The following SLC39A11 variants were observed in gnomAD, a reference collection of about 807,000 sequenced individuals.
SLC39A11 encodes the protein solute carrier family 39 member 11, also known as zinc transporter ZIP11.
Under a neutral mutation model 36.1 loss-of-function variants are expected in SLC39A11, and 33 were observed. That is an observed-to-expected ratio of 0.91 (90% confidence interval 0.69 to 1.22). The LOEUF (loss-of-function observed/expected upper bound fraction) is 1.22. Ranked by LOEUF, SLC39A11 falls within the 50% of genes most tolerant of loss-of-function variation. SLC39A11 has a pLI of 0.00. For synonymous variants in SLC39A11, 166 were observed against 170.3 expected, an observed-to-expected ratio of 0.97 and a Z score of 0.20; for missense variants, 432 against 430.3, an observed-to-expected ratio of 1.00 and a Z score of -0.03.
intron 7 of SLC39A11, among the ~76,000 whole-genome samples, chr17:72,728,518 G>GT: frequency 6.7e-6 from 1 of 149,864 alleles, no homozygotes; most frequent in Middle Eastern, 3.2e-3. Context: ...TTTGCAGATA[G>GT]TAAGTATTTC....
intron 6 of SLC39A11, among the ~76,000 whole-genome samples, chr17:72,805,618 C>T (rs1339349096): frequency 6.6e-6 from 1 of 152,224 alleles, no homozygotes; most frequent in African/African-American, 2.4e-5. Flanking sequence ...TCCTTCCGTC[C>T]ATGGGCTTGG....
chr17:72,721,926 C>T (rs4289036), intron 7 of SLC39A11, among the ~76,000 whole-genome samples: 7,860 of 143,942 alleles, frequency 0.055, 240 homozygotes, highest in African/African-American at 0.087. Context: ...GCAGAGATGG[C>T]GCCACTACAT....
At chr17:73,052,803 C>T (rs568541473) in intron 3 of SLC39A11, among the ~76,000 whole-genome samples, 211 of 152,288 alleles carry the variant, frequency 1.4e-3, no homozygotes, top group Non-Finnish European at 2.3e-3. Flanking sequence ...CGGGTTCAAG[C>T]AATTCTCCTG....
intron 5 of SLC39A11, among the ~76,000 whole-genome samples, chr17:72,927,660 A>G (rs569714573): frequency 6.6e-6 from 1 of 152,210 alleles, no homozygotes; most frequent in Non-Finnish European, 1.5e-5. Flanking sequence ...GCATGTTATT[A>G]GTGTGTGCTT....
chr17:72,856,491 T>C (rs1246759876), intron 5 of SLC39A11, among the ~76,000 whole-genome samples: 1 of 152,188 alleles, frequency 6.6e-6, no homozygotes, highest in African/African-American at 2.4e-5. Flanking sequence ...CAGGTATTAT[T>C]ATACATCAGA....
intron 7 of SLC39A11, among the ~76,000 whole-genome samples, chr17:72,696,888 C>T (rs1275946226): frequency 1.3e-5 from 2 of 152,150 alleles, no homozygotes; most frequent in Admixed American, 6.5e-5. Context: ...CGGTTACAAG[C>T]GCCTCATGAG....
chr17:72,783,459 A>C (rs2076394508), intron 6 of SLC39A11, among the ~76,000 whole-genome samples: 1 of 152,202 alleles, frequency 6.6e-6, no homozygotes, highest in Admixed American at 6.5e-5. Flanking sequence ...ATGGAAATTG[A>C]GATTACAGCA....
intron 7 of SLC39A11, among the ~76,000 whole-genome samples, chr17:72,696,177 G>A (rs550981777): frequency 1.3e-5 from 2 of 152,014 alleles, no homozygotes; most frequent in Admixed American, 6.6e-5. Context: ...GGAGTCATGG[G>A]GCAGGGGGAG....
At chr17:72,928,020 G>A (rs1359316643) in intron 5 of SLC39A11, among the ~76,000 whole-genome samples, 1 of 152,078 alleles carries the variant, frequency 6.6e-6, no homozygotes. Context: ...AATTTGATGT[G>A]CTCAAATAAC....
intron 7 of SLC39A11, among the ~76,000 whole-genome samples, chr17:72,666,741 G>A (rs969997210): frequency 2.0e-5 from 3 of 152,154 alleles, no homozygotes; most frequent in Non-Finnish European, 2.9e-5. Flanking sequence ...TTCAGGGCTC[G>A]TGAGAAATCC....
chr17:72,800,145 C>T (rs1170135492), intron 6 of SLC39A11, among the ~76,000 whole-genome samples: 1 of 152,034 alleles, frequency 6.6e-6, no homozygotes, highest in Non-Finnish European at 1.5e-5. Flanking sequence ...ACAGCACAGA[C>T]ACATGCAAGA....
chr17:73,025,392 C>T (rs189440014), intron 4 of SLC39A11, among the ~76,000 whole-genome samples: 18 of 152,296 alleles, frequency 1.2e-4, no homozygotes, highest in Admixed American at 1.2e-3. Flanking sequence ...CAAGCAGCAA[C>T]AACACAGACA....
At chr17:73,090,824 C>T (rs772842227) in intron 1 of SLC39A11, among the ~76,000 whole-genome samples, 128 of 152,098 alleles carry the variant, frequency 8.4e-4, no homozygotes, top group Admixed American at 5.2e-4. Flanking sequence ...ATCTGAGCAC[C>T]CTCCTGAGTA....
intron 7 of SLC39A11, among the ~76,000 whole-genome samples, chr17:72,680,021 G>A (rs985950690): frequency 4.0e-5 from 5 of 124,356 alleles, no homozygotes; most frequent in Admixed American, 1.0e-4. Context: ...CAGCCTGGGC[G>A]ACAGAGTGAG....
intron 7 of SLC39A11, among the ~76,000 whole-genome samples, chr17:72,655,180 C>T (rs968592319): frequency 1.4e-4 from 22 of 152,236 alleles, no homozygotes; most frequent in Admixed American, 4.6e-4. Context: ...CCTTTCCTAC[C>T]TGTCATGCAC....
In SLC39A11 at chr17:72,684,454, C is replaced by A. The variant is rs114212011; in HGVS notation, c.672-35186G>T. ...CCGACCAGGGAAACTGACACAGCCA[C>A]TGTCCCAGGTTTGGGCAGGCGTGCC... On this transcript the variant is annotated intron_variant, in intron 7 of 9. Coordinates refer to ENST00000255559, the MANE Select transcript of SLC39A11 (RefSeq NM_139177.4). Among the ~76,000 whole-genome samples, 748 of 152,352 alleles carry A rather than the reference C, an allele frequency of 4.9e-3. 11 individuals carry two copies. Among genetic ancestry groups the A allele is most frequent in the African/African-American group, 0.017 (710 of 41,590 alleles).
At chr17:72,915,853 A>T (rs1186021924) in intron 5 of SLC39A11, among the ~76,000 whole-genome samples, 1 of 152,216 alleles carries the variant, frequency 6.6e-6, no homozygotes, top group Non-Finnish European at 1.5e-5. Flanking sequence ...AAGTCTGCTA[A>T]GTAGACATTT....
In SLC39A11 at chr17:72,849,637, G is replaced by C. The variant is rs774022089; in HGVS notation, c.598C>G (p.Pro200Ala). 1.3e-6 allele frequency: 2 copies of C among 1,520,540 alleles called. No individual in the cohort carries two copies. Among genetic ancestry groups the C allele is most frequent in the Non-Finnish European group, 1.8e-6 (2 of 1,132,694 alleles). The allele number at this position is 1,520,540 out of a possible 1,614,324, so 94.2% of individuals were successfully genotyped here. ...ACGCTCACGGGCAAGACCTCACCTGGAACGTTGTGTATAGTGATGGCCAAG... is the reference window on the plus strand; with the variant it reads ...ACGCTCACGGGCAAGACCTCACCTGCAACGTTGTGTATAGTGATGGCCAAG... ...LILAITIHNV[P>A]EGLAVGVGFG... Residue 200 changes from proline to alanine, a missense_variant, in exon 6 of 10, where the codon CCA becomes GCA. Pro to Ala is a conservative substitution (Grantham distance 27). Coordinates refer to ENST00000255559, the MANE Select transcript of SLC39A11 (RefSeq NM_139177.4).
intron 6 of SLC39A11, among the ~76,000 whole-genome samples, chr17:72,808,652 T>C (rs887939529): frequency 6.6e-5 from 10 of 152,204 alleles, no homozygotes; most frequent in Admixed American, 2.0e-4. Context: ...ATTTCTGCAA[T>C]TGCTCCTATA....
Sources: allele counts gnomAD v4.1 joint callset (sites outside exome capture counted in the v4.1 genomes callset), GRCh38; gene constraint gnomAD v4.1.1; transcripts MANE v1.5; gene names NCBI Gene and HGNC (gene_info 2026-07-23, HGNC 2026-07-21).